Variants in STAG1 observed in about 807,000 individuals in gnomAD.
STAG1 encodes cohesin subunit SA-1.
STAG1 carries 26 observed loss-of-function variants against 170.9 expected under a neutral mutation model. That is an observed-to-expected ratio of 0.15 (90% CI 0.11 to 0.21). The LOEUF (loss-of-function observed/expected upper bound fraction) is 0.21, where lower values mean the gene tolerates loss of function less well. Ranked by LOEUF, STAG1 falls within the 10% of genes least tolerant of loss-of-function variation. The pLI, the probability that STAG1 is intolerant of heterozygous loss-of-function variation, is 1.00. For synonymous variants in STAG1, 514 were observed against 497.7 expected (o/e 1.03, Z -0.44); for missense variants, 964 against 1,509.5 (o/e 0.64, Z 5.99).
At chr3:136,614,207 C>A (rs1939461750) in intron 3 of STAG1, among the ~76,000 whole-genome samples, 1 of 152,134 alleles carries the variant, frequency 6.6e-6, no homozygotes, top group Non-Finnish European at 1.5e-5. Flanking sequence ...CAGAGAAAGA[C>A]TCTGCCTCAA....
At chr3:136,582,634 A>G (rs1342405888) in intron 4 of STAG1, among the ~76,000 whole-genome samples, 2 of 152,108 alleles carry the variant, frequency 1.3e-5, no homozygotes, top group African/African-American at 4.8e-5. Context: ...CGCCATCTCT[A>G]CTAAAACTAC....
rs1357407693 is a variant in STAG1, at chr3:136,473,626, G to C, written c.1038C>G (p.Val346=). 1 of 1,610,712 alleles carries C rather than the reference G, an allele frequency of 6.2e-7. No individual in the cohort carries two copies. Among genetic ancestry groups the C allele is most frequent in the Non-Finnish European group, 8.5e-7 (1 of 1,178,546 alleles). Residue 346 remains valine (V), a synonymous_variant, in exon 11 of 34, where the codon GTC becomes GTG. Transcript: ENST00000383202. Reference sequence around the variant, plus strand: ...GCAGAGCTTTCAAACACTTCAGCCTGACTTCCCCTTGCTTCAGAAATACAA... The same window carrying C: ...GCAGAGCTTTCAAACACTTCAGCCTCACTTCCCCTTGCTTCAGAAATACAA... ...GWTLHDRQGE[V]RLKCLKALQS...
At chr3:136,378,637 C>T (rs1937750781) in intron 22 of STAG1, among the ~76,000 whole-genome samples, 1 of 152,178 alleles carries the variant, frequency 6.6e-6, no homozygotes, top group Admixed American at 6.5e-5. Flanking sequence ...CACTGCATTC[C>T]AGCCTGGGTG....
intron 16 of STAG1, among the ~76,000 whole-genome samples, chr3:136,426,129 C>T (rs1333963499): frequency 1.3e-5 from 2 of 151,316 alleles, no homozygotes; most frequent in African/African-American, 2.4e-5. Context: ...AACTTGTGGC[C>T]GGGCGCGGTG....
At chr3:136,716,956 A>C (rs1286303291) in intron 1 of STAG1, among the ~76,000 whole-genome samples, 2 of 152,370 alleles carry the variant, frequency 1.3e-5, no homozygotes, top group Non-Finnish European at 2.9e-5. Flanking sequence ...CACAGTTACG[A>C]ATTGTGGTTT....
At chr3:136,747,093 T>TACAAAAAAA (rs1934973501) in intron 1 of STAG1, among the ~76,000 whole-genome samples, 1 of 59,340 alleles carries the variant, frequency 1.7e-5, no homozygotes, top group Admixed American at 2.3e-4. Flanking sequence ...TGAAACTGTC[T>TACAAAAAAA]AAAAAAAAAA....
chr3:136,463,852 AAT>A (rs1182334837), intron 13 of STAG1, among the ~76,000 whole-genome samples: 5 of 144,440 alleles, frequency 3.5e-5, no homozygotes, highest in African/African-American at 1.3e-4. Flanking sequence ...TACATATATA[AAT>A]ATATATTTAT....
chr3:136,652,559 T>G (rs1332996961), intron 1 of STAG1, among the ~76,000 whole-genome samples: 1 of 152,102 alleles, frequency 6.6e-6, no homozygotes, highest in Non-Finnish European at 1.5e-5. Context: ...CTGGCCAATG[T>G]TATAAGAGAG....
intron 4 of STAG1, among the ~76,000 whole-genome samples, chr3:136,580,077 C>G (rs1374463657): frequency 6.8e-6 from 1 of 147,754 alleles, no homozygotes; most frequent in Non-Finnish European, 1.5e-5. Flanking sequence ...AAGCAATCCT[C>G]CTGTCTCAGC....
chr3:136,368,688 C>T (rs1937174744), intron 24 of STAG1, among the ~76,000 whole-genome samples: 1 of 152,094 alleles, frequency 6.6e-6, no homozygotes. Flanking sequence ...GCTATATCTA[C>T]ATAAAGAAAT....
intron 25 of STAG1, 79 bp downstream of exon 25, chr3:136,366,864 A>C: frequency 7.4e-6 from 9 of 1,223,718 alleles, no homozygotes; most frequent in Non-Finnish European, 1.0e-5. Context: ...TGTCAATTTT[A>C]GCTTCTGTCA....
intron 28 of STAG1, 98 bp from the exon 29 acceptor site, chr3:136,349,461 G>A: frequency 1.2e-6 from 1 of 842,326 alleles, no homozygotes; most frequent in East Asian, 2.6e-5. Context: ...AGGTTCTGAA[G>A]AATACCTAAG....
At chr3:136,736,234 G>A (rs746119351) in intron 1 of STAG1, among the ~76,000 whole-genome samples, 78 of 152,330 alleles carry the variant, frequency 5.1e-4, no homozygotes, top group Non-Finnish European at 1.1e-3. Flanking sequence ...GCTGTGGGAA[G>A]AGAAGGCAGC....
chr3:136,634,219 G>A (rs1462567930), intron 1 of STAG1, among the ~76,000 whole-genome samples: 1 of 151,758 alleles, frequency 6.6e-6, no homozygotes, highest in Non-Finnish European at 1.5e-5. Context: ...AGGCGTGGTG[G>A]CACACACCTG....
intron 9 of STAG1, among the ~76,000 whole-genome samples, chr3:136,494,637 A>G (rs960762335): frequency 7.2e-5 from 11 of 152,190 alleles, no homozygotes; most frequent in Non-Finnish European, 1.5e-5. Flanking sequence ...CTGAAAATCA[A>G]TGAACACAAT....
At chr3:136,678,527 C>CAA (rs200768204) in intron 1 of STAG1, among the ~76,000 whole-genome samples, 304 of 99,134 alleles carry the variant, frequency 3.1e-3, no homozygotes, top group Non-Finnish European at 4.8e-3. Context: ...ACATGAATTG[C>CAA]AAAAAAAAAA....
chr3:136,591,841 G>A (rs917415825), intron 4 of STAG1, among the ~76,000 whole-genome samples: 1 of 152,098 alleles, frequency 6.6e-6, no homozygotes, highest in African/African-American at 2.4e-5. Context: ...TGGCCCTAGG[G>A]TATCATCTTA....
chr3:136,523,655 G>A (rs560919720), intron 6 of STAG1, among the ~76,000 whole-genome samples: 17 of 152,222 alleles, frequency 1.1e-4, no homozygotes, highest in Middle Eastern at 3.4e-3. Context: ...TGTTTTAGAC[G>A]TGAAGTCCTT....
At chr3:136,747,229 T>C (rs571143316) in intron 1 of STAG1, among the ~76,000 whole-genome samples, 18 of 144,740 alleles carry the variant, frequency 1.2e-4, no homozygotes, top group Middle Eastern at 3.8e-3. Flanking sequence ...GCGAAGATCA[T>C]GCCACTGCAC....
Sources: allele counts gnomAD v4.1 joint callset (sites outside exome capture counted in the v4.1 genomes callset), GRCh38; gene constraint gnomAD v4.1.1; transcripts MANE v1.5; gene names NCBI Gene and HGNC (gene_info 2026-07-23, HGNC 2026-07-21).